TNFRSF10A: variants seen among roughly 807,000 people sequenced by gnomAD.
TNFRSF10A encodes the protein TNF receptor superfamily member 10a, also known as tumor necrosis factor receptor superfamily member 10A.
Under a neutral mutation model 42.8 loss-of-function variants are expected in TNFRSF10A, and 44 were observed. That is an observed-to-expected ratio of 1.03 (90% confidence interval 0.81 to 1.32). The LOEUF (loss-of-function observed/expected upper bound fraction) is 1.32, where lower values mean the gene tolerates loss of function less well. TNFRSF10A is among the 40% of genes most tolerant of loss of function. TNFRSF10A has a pLI of 0.00. For missense variants in TNFRSF10A, 680 were observed against 602.0 expected, an observed-to-expected ratio of 1.13 and a Z score of -1.36; for synonymous variants, 259 against 234.2, an observed-to-expected ratio of 1.11 and a Z score of -0.97.
intron 1 of TNFRSF10A, among the ~76,000 whole-genome samples, chr8:23,222,251 CA>C (rs1264896224): frequency 2.0e-5 from 3 of 152,150 alleles, no homozygotes; most frequent in Admixed American, 2.0e-4. Context: ...AATATCCAAA[CA>C]AAATTCTACA....
In TNFRSF10A at chr8:23,191,756, C is replaced by T. The variant is rs1800756566; in HGVS notation, c.1345G>A (p.Val449Met). 1 of 1,614,216 alleles carries T rather than the reference C, an allele frequency of 6.2e-7. No homozygotes were observed. Residue 449 changes from valine to methionine, a missense_variant, in exon 10 of 10, where the codon GTG (valine) becomes ATG (methionine). Val to Met is a conservative substitution (Grantham distance 21). Coordinates refer to ENST00000221132, the MANE Select transcript of TNFRSF10A (RefSeq NM_003844.4). ...AAGTAGATGAACTTTCCAGAGTCCA[C>T]CAAGAGGTCCTGAATCTTCTCTCTT... ...HAREKIQDLLVDSGKFIYLED... is the reference protein window; with the variant it reads ...HAREKIQDLLMDSGKFIYLED...
At chr8:23,196,380 T>C (rs924379453) in intron 9 of TNFRSF10A, among the ~76,000 whole-genome samples, 3 of 152,056 alleles carry the variant, frequency 2.0e-5, no homozygotes, top group Non-Finnish European at 4.4e-5. Context: ...GTATTTTTAG[T>C]ACAGAAGGGG....
chr8:23,210,855 T>C (rs942658098), intron 2 of TNFRSF10A, among the ~76,000 whole-genome samples: 2 of 152,166 alleles, frequency 1.3e-5, no homozygotes, highest in African/African-American at 4.8e-5. Context: ...AGAAAGCATT[T>C]TACTAACTCC....
chr8:23,199,456 A>G lies in TNFRSF10A; in HGVS notation c.832-8T>C, dbSNP rs1390307037. On this transcript the variant is annotated splice_region_variant and splice_polypyrimidine_tract_variant and intron_variant, in intron 7 of 9. Transcript: ENST00000221132. ...CAAGCGCCAGAAACACACCTTAGGAAGGCAAAGAGCCAACTCAGAAGCCCA... is the reference window on the plus strand; with the variant it reads ...CAAGCGCCAGAAACACACCTTAGGAGGGCAAAGAGCCAACTCAGAAGCCCA... The G allele has an allele frequency of 6.2e-7, 1 of 1,606,140 alleles. No individual in the cohort carries two copies. Among genetic ancestry groups the G allele is most frequent in the South Asian group, 1.1e-5 (1 of 90,980 alleles).
chr8:23,213,479 G>T (rs181983445), intron 1 of TNFRSF10A, among the ~76,000 whole-genome samples: 1 of 77,298 alleles, frequency 1.3e-5, no homozygotes, highest in Non-Finnish European at 2.8e-5. Flanking sequence ...ACAGAGTCTC[G>T]CTCTGTTGCC....
At chr8:23,218,692 A>G (rs1585288484) in intron 1 of TNFRSF10A, among the ~76,000 whole-genome samples, 1 of 152,190 alleles carries the variant, frequency 6.6e-6, no homozygotes, top group South Asian at 2.1e-4. Flanking sequence ...GCCTCATGAA[A>G]AAGCACCAAA....
At chr8:23,192,122 C>A in intron 9 of TNFRSF10A, 109 bp from the exon 10 acceptor site, 1 of 1,487,032 alleles carries the variant, frequency 6.7e-7, no homozygotes, top group South Asian at 1.3e-5. Context: ...TGGAGAGCCC[C>A]CTGCATGGGC....
At chr8:23,200,033 C>A in intron 6 of TNFRSF10A, 116 bp from the exon 7 acceptor site, 1 of 1,328,516 alleles carries the variant, frequency 7.5e-7, no homozygotes, top group South Asian at 1.2e-5. Context: ...CAAAGATCCC[C>A]GGGCCTGGGG....
chr8:23,197,021 G>A, intron 9 of TNFRSF10A, 111 bp downstream of exon 9: 1 of 1,442,550 alleles, frequency 6.9e-7, no homozygotes, highest in South Asian at 1.1e-5. Flanking sequence ...AGGACCCCCA[G>A]TTTCTGGCAT....
chr8:23,213,658 A>G (rs1244883893), intron 1 of TNFRSF10A, among the ~76,000 whole-genome samples: 1 of 151,502 alleles, frequency 6.6e-6, no homozygotes, highest in Non-Finnish European at 1.5e-5. Context: ...CTGTGTTAGG[A>G]TGGTCTCTAT....
chr8:23,202,556 C>A, intron 3 of TNFRSF10A, 92 bp downstream of exon 3: 2 of 952,212 alleles, frequency 2.1e-6, no homozygotes, highest in Non-Finnish European at 3.4e-6. Flanking sequence ...CCAAGTTGGG[C>A]TGGAACTTGG....
chr8:23,224,989 T>G lies in TNFRSF10A; in HGVS notation c.73A>C (p.Ser25Arg). The change falls in exon 1 of 10, where the codon AGT becomes CGT. Residue 25 changes from serine to arginine, a missense_variant. Physicochemically the swap from Ser to Arg is moderately radical, Grantham distance 110 (BLOSUM62 -1). Transcript: ENST00000221132. ...GTGGCCGCGGCTGCCTCTGTCCCAC[T>G]CGCTGCGCTCCCGGGATTCGGAGTC... ...AVTPNPGSAA[S>R]GTEAAAATPS... 6.3e-7 allele frequency: 1 copy of G among 1,593,084 alleles called. No individual in the cohort carries two copies.
At chr8:23,218,976 T>C (rs1284577546) in intron 1 of TNFRSF10A, among the ~76,000 whole-genome samples, 5 of 152,178 alleles carry the variant, frequency 3.3e-5, no homozygotes, top group African/African-American at 1.2e-4. Flanking sequence ...CCCCTCAATG[T>C]TGATTTTAAT....
chr8:23,191,152 A>C lies in TNFRSF10A; in HGVS notation c.*542T>G, dbSNP rs1800748154. On this transcript the variant is annotated 3_prime_UTR_variant, in exon 10 of 10. Coordinates refer to ENST00000221132, the MANE Select transcript of TNFRSF10A (RefSeq NM_003844.4). ...ACATGCCCAGAAATAATGTCCCAGA[A>C]ATAATGCCTTACCAGTGTTCTAGGT... 6.5e-6 allele frequency: 1 copy of C among 153,860 alleles called. No individual in the cohort carries two copies. Among genetic ancestry groups the C allele is most frequent in the Non-Finnish European group, 1.4e-5 (1 of 69,344 alleles). 9.5% of individuals were successfully genotyped at this position (153,860 alleles called of 1,614,324 possible). A position where few individuals can be genotyped will look rare whatever the true frequency, so the allele number is the denominator to read the frequency against.
chr8:23,224,957 G>C lies in TNFRSF10A; in HGVS notation c.105C>G (p.Ser35Arg), dbSNP rs141450536. Residue 35 changes from serine to arginine, a missense_variant, in exon 1 of 10, where the codon AGC becomes AGG. Transcript: ENST00000221132. The part of the protein sequence containing the change: ...SGTEAAAATP[S>R]KVWGSSAGRI... ...TCCCCGCGGAAGAGCCCCACACTTTGCTGGGTGTGGCCGCGGCTGCCTCTG... is the reference window on the plus strand; with the variant it reads ...TCCCCGCGGAAGAGCCCCACACTTTCCTGGGTGTGGCCGCGGCTGCCTCTG... 16 of 1,599,390 alleles carry C rather than the reference G, an allele frequency of 1.0e-5. No homozygotes were observed. The African/African-American group carries it at 1.6e-4, about 16-fold the overall frequency.
chr8:23,205,047 G>A (rs941256474), intron 2 of TNFRSF10A, among the ~76,000 whole-genome samples: 9 of 151,872 alleles, frequency 5.9e-5, no homozygotes, highest in African/African-American at 1.2e-4. Flanking sequence ...GATAAAGCAA[G>A]CAGAAGGAAG....
chr8:23,224,598 C>A (rs1327826902), intron 1 of TNFRSF10A, 158 bp downstream of exon 1: 2 of 1,020,556 alleles, frequency 2.0e-6, no homozygotes, highest in African/African-American at 3.4e-5. Context: ...CCCGGGGACC[C>A]CGTTCTTCCT....
rs2128845831 is a variant in TNFRSF10A at position 23,191,846 on chromosome 8, T to G, written c.1255A>C (p.Thr419Pro). The change falls in exon 10 of 10, where the codon ACT (threonine) becomes CCT (proline). Residue 419 changes from threonine (T) to proline (P), a missense_variant. Coordinates refer to ENST00000221132, the MANE Select transcript of TNFRSF10A (RefSeq NM_003844.4). ...YAMLMKWVNKTGRNASIHTLL... is the reference protein window; with the variant it reads ...YAMLMKWVNKPGRNASIHTLL... ...GTGTGGATCGAGGCGTTCCGTCCAG[T>G]TTTGTTGACCCATTTCATCAGCATT... 1 of 1,508,308 alleles carries G rather than the reference T, an allele frequency of 6.6e-7. No homozygotes were observed. The highest frequency in any genetic ancestry group is 1.7e-5 in the African/African-American group (1 of 58,624). The allele number at this position is 1,508,308 out of a possible 1,614,324, so 93.4% of individuals were successfully genotyped here.
intron 1 of TNFRSF10A, among the ~76,000 whole-genome samples, chr8:23,215,477 C>T (rs193220256): frequency 1.1e-4 from 16 of 152,050 alleles, no homozygotes; most frequent in Admixed American, 3.9e-4. Context: ...CACTGCACCC[C>T]GGCCTGCATG....
Sources: allele counts gnomAD v4.1 joint callset (sites outside exome capture counted in the v4.1 genomes callset), GRCh38; gene constraint gnomAD v4.1.1; transcripts MANE v1.5; gene names NCBI Gene and HGNC (gene_info 2026-07-23, HGNC 2026-07-21).